Variants in CDKL3 observed in about 807,000 individuals in gnomAD.
The protein encoded by CDKL3 is cyclin dependent kinase like 3, also known as cyclin-dependent kinase-like 3.
CDKL3 carries 65 observed loss-of-function variants against 69.3 expected under a neutral mutation model. That is an observed-to-expected ratio of 0.94 (90% CI 0.77 to 1.15). The LOEUF is 1.15. Ranked by LOEUF, CDKL3 falls within the 50% of genes most tolerant of loss-of-function variation. CDKL3 has a pLI of 0.00. For synonymous variants in CDKL3, 202 were observed against 221.6 expected, an observed-to-expected ratio of 0.91 and a Z score of 0.79; for missense variants, 652 against 689.2, an observed-to-expected ratio of 0.95 and a Z score of 0.61.
At chr5:134,365,789 C>A (rs540734538) in intron 2 of CDKL3, among the ~76,000 whole-genome samples, 1 of 152,282 alleles carries the variant, frequency 6.6e-6, no homozygotes, top group South Asian at 2.1e-4. Context: ...CCACTTTGCC[C>A]TTTATCCTTT....
downstream of CDKL3, among the ~76,000 whole-genome samples, chr5:134,297,899 T>C (rs1765449081): frequency 9.1e-6 from 1 of 110,034 alleles, no homozygotes; most frequent in Non-Finnish European, 1.7e-5. Flanking sequence ...TTTGTGTGTG[T>C]GTGTGTGTGT....
chr5:134,367,268 G>A (rs1454487152), upstream of CDKL3: 2 of 985,032 alleles, frequency 2.0e-6, no homozygotes, highest in Non-Finnish European at 2.4e-6. Flanking sequence ...CAAGGTGGAA[G>A]AGTGCTGTGC....
chr5:134,366,118 A>G lies in CDKL3; in HGVS notation c.165+241T>C, dbSNP rs535671415. Among the ~76,000 whole-genome samples the G allele has an allele frequency of 5.3e-5, 8 of 152,312 alleles. No individual in the cohort carries two copies. In the East Asian group the frequency reaches 1.5e-3, roughly 29 times the overall value. ...TTGCACATAGCAGAAATTTTTATTA[A>G]GTATTATACTTGAATATTTCTGAAT... On this transcript the variant is annotated intron_variant, in intron 2 of 12. Transcript: ENST00000265334.
chr5:134,312,389 G>A lies in CDKL3; in HGVS notation c.793-9C>T. The A allele has an allele frequency of 6.5e-7, 1 of 1,534,770 alleles. No homozygotes were observed. Reference sequence around the variant, plus strand: ...TCAATTTGTAAACAAGCCTAGGAAAGGAAAAAGATTTTAATAAGTGAGCTC... The same window carrying A: ...TCAATTTGTAAACAAGCCTAGGAAAAGAAAAAGATTTTAATAAGTGAGCTC... On this transcript the variant is annotated splice_polypyrimidine_tract_variant and intron_variant, in intron 6 of 12. Coordinates refer to ENST00000265334, the MANE Select transcript of CDKL3 (RefSeq NM_001113575.2).
intron 4 of CDKL3, among the ~76,000 whole-genome samples, chr5:134,334,451 GTGCTATAAATTTCCCTATATACAC>G (rs1776563808): frequency 6.6e-6 from 1 of 152,152 alleles, no homozygotes; most frequent in Non-Finnish European, 1.5e-5. Flanking sequence ...TGGGCACTTA[GTGCTATAAATTTCCCTATATACAC>G]TGCTTTTGCT....
At position 134,326,817 on chromosome 5, in the gene CDKL3, GTATATATATATATATATATA is replaced by G. The variant is rs1164800558; in HGVS notation, c.540-4934_540-4915del. On this transcript the variant is annotated intron_variant, in intron 4 of 12. Coordinates refer to ENST00000265334, the MANE Select transcript of CDKL3 (RefSeq NM_001113575.2). ...TGTGTGTATATATATATATGTGTGT[GTATATATATATATATATATA>G]TATATATATATATATATATATATAT... Among the ~76,000 whole-genome samples, 495 of 120,430 alleles carry G rather than the reference GTATATATATATATATATATA, an allele frequency of 4.1e-3. 5 individuals carry two copies. Among genetic ancestry groups the G allele is most frequent in the African/African-American group, 0.016 (459 of 27,986 alleles). The allele number at this position is 120,430 out of a possible 152,430, so 79.0% of individuals were successfully genotyped here.
At chr5:134,356,912 A>G (rs543562596) in intron 3 of CDKL3, among the ~76,000 whole-genome samples, 1 of 152,344 alleles carries the variant, frequency 6.6e-6, no homozygotes, top group South Asian at 2.1e-4. Context: ...CCTTGGGAGT[A>G]TCGTATTACT....
At position 134,299,672 on chromosome 5, in the gene CDKL3, C is replaced by T. The variant is rs756435856; in HGVS notation, c.1720-962G>A. The T allele has an allele frequency of 4.7e-5, 72 of 1,528,870 alleles. No individual in the cohort carries two copies. The South Asian group carries it at 8.1e-4, about 17-fold the overall frequency. 94.7% of individuals were successfully genotyped at this position (1,528,870 alleles called of 1,614,324 possible). On this transcript the variant is annotated intron_variant, in intron 12 of 12. Transcript: ENST00000265334. ...AAACCATACAGTGATTCTGGGATTC[C>T]CTGAATTTTCAGCTGCTGCATTTTC...
rs781175225 is a variant in CDKL3, at chr5:134,304,543, T to C, written c.1483A>G (p.Asn495Asp). 6.2e-7 allele frequency: 1 copy of C among 1,609,762 alleles called. No individual in the cohort carries two copies. The highest frequency in any genetic ancestry group is 1.1e-5 in the South Asian group (1 of 90,062). The change falls in exon 11 of 13, where the codon AAT (asparagine) becomes GAT (aspartate). Residue 495 changes from asparagine (N) to aspartate (D), a missense_variant. Transcript: ENST00000265334. ...TGGTCACTGTGACCTGTTCGCTCATTAAATATACCCTTCTCCATTTGGCTC... is the reference window on the plus strand; with the variant it reads ...TGGTCACTGTGACCTGTTCGCTCATCAAATATACCCTTCTCCATTTGGCTC... ...IQSQMEKGIF[N>D]ERTGHSDQMA...
chr5:134,318,531 G>A (rs1164107717), intron 6 of CDKL3, among the ~76,000 whole-genome samples: 1 of 152,018 alleles, frequency 6.6e-6, no homozygotes, highest in Non-Finnish European at 1.5e-5. Flanking sequence ...TGTCACCCAC[G>A]CTGGAGTACA....
At chr5:134,368,512 G>C (rs545095860), upstream of CDKL3, among the ~76,000 whole-genome samples, 12 of 151,348 alleles carry the variant, frequency 7.9e-5, no homozygotes, top group African/African-American at 2.9e-4. Flanking sequence ...CCAGCTACTC[G>C]GGAGGCGGAG....
chr5:134,345,587 G>T (rs960483502), intron 4 of CDKL3, among the ~76,000 whole-genome samples: 6 of 152,174 alleles, frequency 3.9e-5, no homozygotes, highest in African/African-American at 1.4e-4. Context: ...ATGGGGTGGG[G>T]CTGTTTTATG....
At chr5:134,360,479 G>A (rs528811163) in intron 2 of CDKL3, among the ~76,000 whole-genome samples, 1 of 152,112 alleles carries the variant, frequency 6.6e-6, no homozygotes, top group South Asian at 2.1e-4. Context: ...TCCTGGAATT[G>A]TAGGTGTGCA....
At chr5:134,343,018 A>C (rs568584506) in intron 4 of CDKL3, among the ~76,000 whole-genome samples, 2 of 152,146 alleles carry the variant, frequency 1.3e-5, no homozygotes, top group African/African-American at 4.8e-5. Flanking sequence ...CAGCCGGGCC[A>C]ACGTGGTGAA....
intron 4 of CDKL3, among the ~76,000 whole-genome samples, chr5:134,346,589 C>T (rs535512934): frequency 2.4e-4 from 37 of 152,098 alleles, no homozygotes; most frequent in Non-Finnish European, 4.0e-4. Context: ...CTCTGCCTCC[C>T]GGGTTCAAGC....
At chr5:134,341,277 C>T (rs1480272660) in intron 4 of CDKL3, among the ~76,000 whole-genome samples, 1 of 152,160 alleles carries the variant, frequency 6.6e-6, no homozygotes, top group African/African-American at 2.4e-5. Flanking sequence ...AGGAACAAGA[C>T]AAGGATGTCT....
downstream of CDKL3, among the ~76,000 whole-genome samples, chr5:134,295,872 G>A (rs867496786): frequency 3.3e-5 from 5 of 151,990 alleles, no homozygotes; most frequent in South Asian, 4.2e-4. Context: ...GATGGAACTA[G>A]GAAACTAGAA....
chr5:134,333,999 G>A (rs1277915949), intron 4 of CDKL3, among the ~76,000 whole-genome samples: 1 of 152,126 alleles, frequency 6.6e-6, no homozygotes, highest in Non-Finnish European at 1.5e-5. Flanking sequence ...CCTGTTATTG[G>A]TCTATTCAGA....
chr5:134,303,081 T>C (rs895372300), intron 11 of CDKL3, among the ~76,000 whole-genome samples: 2 of 151,998 alleles, frequency 1.3e-5, no homozygotes, highest in Admixed American at 1.3e-4. Flanking sequence ...CTGATATAAA[T>C]CTTAAGTTCA....
Sources: allele counts gnomAD v4.1 joint callset (sites outside exome capture counted in the v4.1 genomes callset), GRCh38; gene constraint gnomAD v4.1.1; transcripts MANE v1.5; gene names NCBI Gene and HGNC (gene_info 2026-07-23, HGNC 2026-07-21).